Variants in DACH1 observed in about 807,000 individuals in gnomAD.
DACH1 encodes the protein dachshund homolog 1.
In DACH1, 12 loss-of-function variants were observed where a neutral mutation model predicts 54.2. The ratio of observed to expected loss-of-function variants is 0.22; its 90% confidence interval spans 0.14 to 0.36. The LOEUF (loss-of-function observed/expected upper bound fraction) is 0.36, where lower values mean the gene tolerates loss of function less well. Ranked by LOEUF, DACH1 falls within the 10% of genes least tolerant of loss-of-function variation. DACH1 has a pLI of 1.00. For missense variants in DACH1, 805 were observed against 929.8 expected (o/e 0.87, Z 1.75); for synonymous variants, 386 against 366.2 (o/e 1.05, Z -0.62).
chr13:71,507,162 A>C (rs1382535317), intron 6 of DACH1, among the ~76,000 whole-genome samples: 11 of 152,184 alleles, frequency 7.2e-5, no homozygotes, highest in East Asian at 1.9e-4. Context: ...ACTCATCTTA[A>C]GATTCTTATA....
intron 6 of DACH1, among the ~76,000 whole-genome samples, chr13:71,537,604 A>G (rs964151144): frequency 5.9e-5 from 9 of 152,116 alleles, no homozygotes; most frequent in African/African-American, 2.2e-4. Flanking sequence ...TATGATAACA[A>G]TGTTAGAGTT....
intron 6 of DACH1, among the ~76,000 whole-genome samples, chr13:71,496,217 G>A (rs577423893): frequency 3.5e-5 from 5 of 142,110 alleles, no homozygotes; most frequent in East Asian, 2.1e-4. Flanking sequence ...CAGCCTGAGC[G>A]ACACAGCAAG....
At chr13:71,497,864 AC>A in intron 6 of DACH1, among the ~76,000 whole-genome samples, 1 of 640 alleles carries the variant, frequency 1.6e-3, no homozygotes, top group Non-Finnish European at 5.5e-3. Context: ...GTGTTGACAC[AC>A]ACACACACAC....
intron 6 of DACH1, among the ~76,000 whole-genome samples, chr13:71,514,160 G>T (rs1475624986): frequency 6.6e-6 from 1 of 151,908 alleles, no homozygotes; most frequent in Non-Finnish European, 1.5e-5. Flanking sequence ...TACATTGACA[G>T]AATACTGTTT....
chr13:71,711,554 A>G lies in DACH1; in HGVS notation c.849-29644T>C, dbSNP rs919494885. On this transcript the variant is annotated intron_variant, in intron 1 of 10. Coordinates refer to ENST00000613252, the MANE Select transcript of DACH1 (RefSeq NM_080759.6). ...AGCAATGTTAAACATTCTACACATT[A>G]AATATTTCCCATTTTAACATGAGTA... 3.9e-5 allele frequency among the ~76,000 whole-genome samples: 6 copies of G among 152,324 alleles called. No individual in the cohort carries two copies. The South Asian group carries it at 1.2e-3, about 32-fold the overall frequency.
intron 1 of DACH1, among the ~76,000 whole-genome samples, chr13:71,688,178 C>T (rs888414308): frequency 2.6e-5 from 4 of 152,128 alleles, no homozygotes; most frequent in African/African-American, 7.2e-5. Context: ...TCACTGACAT[C>T]GTCTAGATTA....
At chr13:71,546,662 A>C (rs1883486865) in intron 6 of DACH1, among the ~76,000 whole-genome samples, 1 of 152,022 alleles carries the variant, frequency 6.6e-6, no homozygotes. Flanking sequence ...ATGAACTATC[A>C]AGGCTATAAA....
intron 10 of DACH1, among the ~76,000 whole-genome samples, chr13:71,456,772 A>C (rs903075948): frequency 6.6e-6 from 1 of 152,082 alleles, no homozygotes; most frequent in African/African-American, 2.4e-5. Context: ...CTTGGATAAT[A>C]AACGTTGGCT....
chr13:71,548,076 G>T (rs1305020369), intron 6 of DACH1, among the ~76,000 whole-genome samples: 1 of 152,122 alleles, frequency 6.6e-6, no homozygotes, highest in Non-Finnish European at 1.5e-5. Context: ...TAGACTGTGA[G>T]TGTTAGGCAA....
At chr13:71,859,076 T>C (rs542235014) in intron 1 of DACH1, among the ~76,000 whole-genome samples, 1 of 151,860 alleles carries the variant, frequency 6.6e-6, no homozygotes, top group African/African-American at 2.4e-5. Flanking sequence ...AACAATGACA[T>C]AGTGAGATTT....
At chr13:71,865,774 C>T in intron 1 of DACH1, 148 bp downstream of exon 1, 4 of 1,247,852 alleles carry the variant, frequency 3.2e-6, no homozygotes. Context: ...GGCTGGCGAG[C>T]CCCGAGCAGG....
At chr13:71,621,178 G>A (rs1161462979) in intron 3 of DACH1, among the ~76,000 whole-genome samples, 1 of 151,702 alleles carries the variant, frequency 6.6e-6, no homozygotes, top group African/African-American at 2.4e-5. Flanking sequence ...GCCTACAAAT[G>A]ACCCCAAGGA....
At chr13:71,593,506 G>C (rs879568179) in intron 3 of DACH1, among the ~76,000 whole-genome samples, 4 of 152,034 alleles carry the variant, frequency 2.6e-5, no homozygotes, top group African/African-American at 9.7e-5. Flanking sequence ...AATACTCCCA[G>C]TGGCATTTTT....
intron 2 of DACH1, among the ~76,000 whole-genome samples, chr13:71,658,103 A>G (rs1371541536): frequency 6.6e-6 from 1 of 152,234 alleles, no homozygotes; most frequent in Admixed American, 6.5e-5. Context: ...TATCTATGAT[A>G]TGTGACTAAA....
Position 71,829,564 on chromosome 13 carries a change from G to A in DACH1, c.848+36358C>T, listed in dbSNP as rs189046807. 3.6e-4 allele frequency among the ~76,000 whole-genome samples: 54 copies of A among 151,960 alleles called. 1 individual carries two copies. The East Asian group carries it at 8.5e-3, about 24-fold the overall frequency. Reference sequence around the variant, plus strand: ...TTTGACTTCTTTAAATTCTAAACAAGTAATTTTAGGCTGCTCATCCATTAT... The same window carrying A: ...TTTGACTTCTTTAAATTCTAAACAAATAATTTTAGGCTGCTCATCCATTAT... On this transcript the variant is annotated intron_variant, in intron 1 of 10. Coordinates refer to ENST00000613252, the MANE Select transcript of DACH1 (RefSeq NM_080759.6).
intron 2 of DACH1, among the ~76,000 whole-genome samples, chr13:71,655,665 C>T (rs1490558672): frequency 1.3e-5 from 2 of 152,086 alleles, no homozygotes; most frequent in African/African-American, 4.8e-5. Flanking sequence ...GCCACTGAGC[C>T]TGGCTGCCTC....
intron 1 of DACH1, among the ~76,000 whole-genome samples, chr13:71,779,923 T>C (rs1886296417): frequency 6.6e-6 from 1 of 152,162 alleles, no homozygotes; most frequent in Non-Finnish European, 1.5e-5. Context: ...GAACAAAAAC[T>C]CTTTATTAAA....
chr13:71,586,072 T>C (rs1873237154), intron 3 of DACH1, among the ~76,000 whole-genome samples: 2 of 152,154 alleles, frequency 1.3e-5, no homozygotes, highest in South Asian at 2.1e-4. Flanking sequence ...GTTCCTTTTA[T>C]ACTGCAGTTA....
intron 4 of DACH1, among the ~76,000 whole-genome samples, chr13:71,565,956 T>C (rs1237303556): frequency 6.6e-6 from 1 of 152,116 alleles, no homozygotes; most frequent in Non-Finnish European, 1.5e-5. Flanking sequence ...TTCAGCACCA[T>C]CTGACAATGA....
Sources: allele counts gnomAD v4.1 joint callset (sites outside exome capture counted in the v4.1 genomes callset), GRCh38; gene constraint gnomAD v4.1.1; transcripts MANE v1.5; gene names NCBI Gene and HGNC (gene_info 2026-07-23, HGNC 2026-07-21).